Variants in PCDHA3 observed in about 807,000 individuals in gnomAD.
PCDHA3 encodes the protein protocadherin alpha 3, also known as protocadherin alpha-3.
PCDHA3 carries 41 observed loss-of-function variants against 62.2 expected under a neutral mutation model. The ratio of observed to expected loss-of-function variants is 0.66; its 90% CI spans 0.51 to 0.86. The LOEUF (loss-of-function observed/expected upper bound fraction) is 0.86, where lower values mean the gene tolerates loss of function less well. Among genes scored for constraint, PCDHA3 ranks in the 40% least tolerant of loss-of-function variants. The pLI is 0.00. For synonymous variants in PCDHA3, 640 were observed against 555.4 expected (o/e 1.15, Z -2.14); for missense variants, 1,304 against 1,241.2 (o/e 1.05, Z -0.76).
chr5:140,928,313 T>TG (rs1554205740), intron 1 of PCDHA3: 1 of 1,614,172 alleles, frequency 6.2e-7, no homozygotes, highest in Non-Finnish European at 8.5e-7. Flanking sequence ...GACCCCGACC[T>TG]GGGGAAGAAT....
In PCDHA3 at chr5:140,918,657, T is replaced by G. The variant is rs116489086; in HGVS notation, c.2395-60292T>G. Among the ~76,000 whole-genome samples, 1,219 of 152,370 alleles carry G rather than the reference T, an allele frequency of 8.0e-3. 6 individuals are homozygous for G. The highest frequency in any genetic ancestry group is 0.019 in the African/African-American group (787 of 41,596). ...CATAAATTGAAACCTAATTCTCATG[T>G]TGATGGTATGAAGAGGTGAGACCTT... On this transcript the variant is annotated intron_variant, in intron 1 of 3. Coordinates refer to ENST00000522353, the MANE Select transcript of PCDHA3 (RefSeq NM_018906.3).
At chr5:140,876,577 A>G (rs1554168681) in intron 1 of PCDHA3, 2 of 1,614,182 alleles carry the variant, frequency 1.2e-6, no homozygotes, top group Non-Finnish European at 1.7e-6. Context: ...GGGTACCGTC[A>G]TTGCCCTGAT....
chr5:140,829,400 G>T (rs2150167159), intron 1 of PCDHA3: 1 of 1,614,056 alleles, frequency 6.2e-7, no homozygotes, highest in East Asian at 2.2e-5. Context: ...TTCGCTGTGG[G>T]CCACCGCCAG....
At chr5:140,955,407 C>T (rs1453424058) in intron 1 of PCDHA3, among the ~76,000 whole-genome samples, 1 of 152,098 alleles carries the variant, frequency 6.6e-6, no homozygotes, top group African/African-American at 2.4e-5. Flanking sequence ...ATACAGTTCT[C>T]ATGATAGTGA....
chr5:140,850,920 A>G (rs2150502262), intron 1 of PCDHA3: 1 of 1,526,818 alleles, frequency 6.5e-7, no homozygotes, highest in Non-Finnish European at 8.8e-7. Flanking sequence ...ATTTATTTAT[A>G]TAATTTTTTT....
chr5:140,870,764 T>A, intron 1 of PCDHA3: 1 of 1,613,600 alleles, frequency 6.2e-7, no homozygotes, highest in Non-Finnish European at 8.5e-7. Flanking sequence ...CAGGTGTTCG[T>A]GCTGGACGAG....
chr5:140,947,402 T>C (rs550043631), intron 1 of PCDHA3, among the ~76,000 whole-genome samples: 1 of 151,868 alleles, frequency 6.6e-6, no homozygotes, highest in East Asian at 1.9e-4. Context: ...AAGTAGACTG[T>C]CTTGATATTG....
chr5:140,974,440 C>T (rs782138345), intron 1 of PCDHA3, among the ~76,000 whole-genome samples: 7 of 152,182 alleles, frequency 4.6e-5, no homozygotes, highest in Admixed American at 1.3e-4. Context: ...TGTAAATTAG[C>T]ATTTTAAATG....
At chr5:140,987,949 A>G (rs1251112253) in intron 3 of PCDHA3, among the ~76,000 whole-genome samples, 1 of 152,162 alleles carries the variant, frequency 6.6e-6, no homozygotes, top group Non-Finnish European at 1.5e-5. Context: ...CTGTCTGACA[A>G]AACCAACTCC....
intron 1 of PCDHA3, chr5:140,809,404 G>C: frequency 6.2e-7 from 1 of 1,614,214 alleles, no homozygotes; most frequent in Admixed American, 1.7e-5. Context: ...AGCCCACGCT[G>C]GTGTGCTCCA....
intron 1 of PCDHA3, chr5:140,835,685 T>G (rs2150241896): frequency 8.7e-6 from 14 of 1,613,884 alleles, no homozygotes; most frequent in Non-Finnish European, 1.2e-5. Flanking sequence ...GCTCGCCTTC[T>G]CTGTGGGCCA....
rs2150272334 is a variant in PCDHA3 at position 140,837,015 on chromosome 5, T to C, written c.2394+33424T>C. On this transcript the variant is annotated intron_variant, in intron 1 of 3. Coordinates refer to ENST00000522353, the MANE Select transcript of PCDHA3 (RefSeq NM_018906.3). ...GCTAACTGGAGCAATGGATTCACCT[T>C]TCTTCTATAGTGTATTTACAAAATC... The C allele has an allele frequency of 2.4e-4, 72 of 298,058 alleles. 1 individual carries two copies. In the East Asian group the frequency reaches 3.4e-3, roughly 14 times the overall value. The allele number at this position is 298,058 out of a possible 1,614,324, so 18.5% of individuals were successfully genotyped here.
intron 1 of PCDHA3, chr5:140,966,863 C>G: frequency 6.4e-7 from 1 of 1,562,680 alleles, no homozygotes; most frequent in Non-Finnish European, 8.6e-7. Flanking sequence ...GCTGCTGTTG[C>G]TGCTGCTGCT....
chr5:140,884,721 T>C, intron 1 of PCDHA3: 1 of 1,464,684 alleles, frequency 6.8e-7, no homozygotes, highest in South Asian at 1.5e-5. Flanking sequence ...TTGCAGTTGT[T>C]TGTTTAAGAC....
chr5:140,860,498 A>G (rs1440089357), intron 1 of PCDHA3: 3 of 152,224 alleles, frequency 2.0e-5, no homozygotes, highest in Non-Finnish European at 4.4e-5. Flanking sequence ...GGATGTCTAC[A>G]TACAAGATAA....
In PCDHA3 at chr5:140,834,452, T is replaced by C. The variant is rs2150218542; in HGVS notation, c.2394+30861T>C. On this transcript the variant is annotated intron_variant, in intron 1 of 3. Coordinates refer to ENST00000522353, the MANE Select transcript of PCDHA3 (RefSeq NM_018906.3). ...TGCTGTTTATTATAATTCTAGCAGC[T>C]TGGGAGGCAGGGAGAGGCCAGCTCC... 1.4e-4 allele frequency: 225 copies of C among 1,593,388 alleles called. 2 individuals are homozygous for C. The South Asian group carries it at 2.5e-3, about 18-fold the overall frequency.
intron 1 of PCDHA3, chr5:140,829,779 C>A (rs2150174490): frequency 6.2e-7 from 1 of 1,613,790 alleles, no homozygotes; most frequent in South Asian, 1.1e-5. Context: ...GACAACGCGC[C>A]GGCGCTGCTG....
chr5:140,875,192 C>A, intron 1 of PCDHA3: 2 of 509,100 alleles, frequency 3.9e-6, no homozygotes, highest in Non-Finnish European at 6.3e-6. Context: ...AAGAGTGACC[C>A]AGGAAGTGGC....
intron 3 of PCDHA3, among the ~76,000 whole-genome samples, chr5:140,993,156 A>G (rs2097543367): frequency 6.6e-6 from 1 of 152,188 alleles, no homozygotes; most frequent in Admixed American, 6.5e-5. Context: ...TGGATTCTAA[A>G]TATTTGCCTT....
Sources: allele counts gnomAD v4.1 joint callset (sites outside exome capture counted in the v4.1 genomes callset), GRCh38; gene constraint gnomAD v4.1.1; transcripts MANE v1.5; gene names NCBI Gene and HGNC (gene_info 2026-07-23, HGNC 2026-07-21).